FNDC3B: variants seen among roughly 807,000 people sequenced by gnomAD.
FNDC3B encodes the protein fibronectin type III domain containing 3B, also known as fibronectin type III domain-containing protein 3B.
Under a neutral mutation model 151.5 loss-of-function variants are expected in FNDC3B, and 12 were observed. The observed-to-expected ratio is 0.08, with a 90% CI of 0.05 to 0.13. The LOEUF is 0.13. FNDC3B is among the 10% of genes least tolerant of loss of function. FNDC3B has a pLI of 1.00. For missense variants in FNDC3B, 1,214 were observed against 1,505.3 expected (o/e 0.81, Z 3.20); for synonymous variants, 528 against 549.0 (o/e 0.96, Z 0.54).
At chr3:172,336,784 TC>T (rs1292597445) in intron 15 of FNDC3B, among the ~76,000 whole-genome samples, 1 of 151,494 alleles carries the variant, frequency 6.6e-6, no homozygotes, top group Non-Finnish European at 1.5e-5. Context: ...GCGCCTGTAA[TC>T]CCAGCTACTT....
At chr3:172,238,358 G>A (rs558746549) in intron 4 of FNDC3B, among the ~76,000 whole-genome samples, 3 of 152,068 alleles carry the variant, frequency 2.0e-5, no homozygotes, top group African/African-American at 7.2e-5. Context: ...GTTTTGCCAC[G>A]TTGCCCAGTC....
At chr3:172,200,112 C>T (rs1560014823) in intron 3 of FNDC3B, among the ~76,000 whole-genome samples, 1 of 152,176 alleles carries the variant, frequency 6.6e-6, no homozygotes, top group Non-Finnish European at 1.5e-5. Context: ...GGAACCCACC[C>T]TGGACAGGAT....
intron 3 of FNDC3B, among the ~76,000 whole-genome samples, chr3:172,226,319 A>AG (rs1430391290): frequency 6.6e-6 from 1 of 151,822 alleles, no homozygotes; most frequent in East Asian, 1.9e-4. Context: ...AAAAAAAAAA[A>AG]AAAATGTATT....
At chr3:172,259,853 T>C (rs1006924384) in intron 6 of FNDC3B, among the ~76,000 whole-genome samples, 5 of 152,244 alleles carry the variant, frequency 3.3e-5, no homozygotes, top group Non-Finnish European at 5.9e-5. Flanking sequence ...ATTTTTGTCA[T>C]GTCAAGTTAA....
At chr3:172,048,103 A>C (rs1716453457) in intron 1 of FNDC3B, among the ~76,000 whole-genome samples, 1 of 152,148 alleles carries the variant, frequency 6.6e-6, no homozygotes, top group South Asian at 2.1e-4. Context: ...AGTTTCTTTT[A>C]AAAGATTTCT....
intron 1 of FNDC3B, among the ~76,000 whole-genome samples, chr3:172,100,639 ATTTG>A (rs1424190011): frequency 6.6e-6 from 1 of 152,270 alleles, no homozygotes; most frequent in East Asian, 1.9e-4. Flanking sequence ...GCACCTGCTA[ATTTG>A]TTTGTTTGTT....
At position 172,343,173 on chromosome 3, in the gene FNDC3B, C is replaced by T. The variant is rs536475425; in HGVS notation, c.2077+57C>T. 269 of 924,956 alleles carry T rather than the reference C, an allele frequency of 2.9e-4. No homozygotes were observed. In the African/African-American group the frequency reaches 3.6e-3, roughly 13 times the overall value. The allele number at this position is 924,956 out of a possible 1,614,324, so 57.3% of individuals were successfully genotyped here. A position where few individuals can be genotyped will look rare whatever the true frequency, so the allele number is the denominator to read the frequency against. The stretch of plus-strand genomic sequence containing the variant: ...CAATTTGGACAATTGGAGATGAAGA[C>T]TTATGCTTTGTAGTTAAGTTTCAAA... On this transcript the variant is annotated intron_variant, in intron 18 of 25. Transcript: ENST00000415807.
intron 9 of FNDC3B, among the ~76,000 whole-genome samples, chr3:172,301,000 G>C (rs956101260): frequency 8.6e-5 from 13 of 152,034 alleles, no homozygotes; most frequent in African/African-American, 2.7e-4. Flanking sequence ...GAATTGCTTC[G>C]GTGAAGCAGC....
intron 23 of FNDC3B, among the ~76,000 whole-genome samples, chr3:172,370,738 AGTCATT>A (rs2108355844): frequency 6.6e-6 from 1 of 152,330 alleles, no homozygotes; most frequent in East Asian, 1.9e-4. Context: ...TAAAATAAGC[AGTCATT>A]GGGTATTCAC....
At chr3:172,272,863 A>AC (rs1729266313) in intron 6 of FNDC3B, among the ~76,000 whole-genome samples, 1 of 152,168 alleles carries the variant, frequency 6.6e-6, no homozygotes, top group Non-Finnish European at 1.5e-5. Context: ...ATTCTCATGG[A>AC]CTTGTGCAAG....
intron 1 of FNDC3B, among the ~76,000 whole-genome samples, chr3:172,080,926 G>A (rs1434197293): frequency 2.6e-5 from 4 of 152,278 alleles, no homozygotes; most frequent in South Asian, 2.1e-4. Flanking sequence ...GTAAGTTAAG[G>A]ACTTCAGCTG....
At chr3:172,177,732 A>T (rs779486041) in intron 3 of FNDC3B, among the ~76,000 whole-genome samples, 1 of 149,700 alleles carries the variant, frequency 6.7e-6, no homozygotes, top group Non-Finnish European at 1.5e-5. Flanking sequence ...ACATGTGCAG[A>T]ACGTGCAGGT....
At chr3:172,137,732 A>C (rs1185715719) in intron 3 of FNDC3B, among the ~76,000 whole-genome samples, 1 of 152,238 alleles carries the variant, frequency 6.6e-6, no homozygotes, top group African/African-American at 2.4e-5. Flanking sequence ...CTGTGAACGC[A>C]GATTCATTTC....
intron 25 of FNDC3B, among the ~76,000 whole-genome samples, chr3:172,387,899 C>T (rs1408315099): frequency 6.6e-6 from 1 of 152,224 alleles, no homozygotes; most frequent in Non-Finnish European, 1.5e-5. Flanking sequence ...ATGTGCCCAA[C>T]ATTATGCCCT....
intron 3 of FNDC3B, among the ~76,000 whole-genome samples, chr3:172,213,466 TCA>T (rs763435221): frequency 2.2e-4 from 34 of 152,242 alleles, no homozygotes; most frequent in African/African-American, 7.7e-4. Flanking sequence ...TTCTCAGTAT[TCA>T]CAGTTTTGTC....
Position 172,226,074 on chromosome 3 carries a change from A to G in FNDC3B, c.188-797A>G, listed in dbSNP as rs990408216. ...TGTAATCCCAGCACTTTGGGAGGCC[A>G]AGGCAGGCGGGTCTTGAGGTCAGGA... is the stretch of plus-strand genomic sequence containing the variant. On this transcript the variant is annotated intron_variant, in intron 3 of 25. Coordinates refer to ENST00000415807, the MANE Select transcript of FNDC3B (RefSeq NM_022763.4). 3.5e-4 allele frequency among the ~76,000 whole-genome samples: 54 copies of G among 152,236 alleles called. 1 individual carries two copies. Among genetic ancestry groups the G allele is most frequent in the African/African-American group, 1.3e-3 (53 of 41,560 alleles).
intron 3 of FNDC3B, among the ~76,000 whole-genome samples, chr3:172,160,700 T>A (rs1410714471): frequency 2.0e-5 from 3 of 152,224 alleles, no homozygotes; most frequent in Non-Finnish European, 4.4e-5. Flanking sequence ...CTATAAAGAA[T>A]AGAATTAAAC....
At chr3:172,358,207 G>A (rs548012885) in intron 22 of FNDC3B, among the ~76,000 whole-genome samples, 4 of 152,308 alleles carry the variant, frequency 2.6e-5, no homozygotes, top group Non-Finnish European at 4.4e-5. Context: ...CTACCTTATG[G>A]GGTCAGCATA....
In FNDC3B at chr3:172,275,836, A is replaced by C. The variant is rs561406363; in HGVS notation, c.791-10090A>C. On this transcript the variant is annotated intron_variant, in intron 6 of 25. Coordinates refer to ENST00000415807, the MANE Select transcript of FNDC3B (RefSeq NM_022763.4). ...TTTTGATTATCTGGTTTTTTTTTTA[A>C]AGGGAAGTGTTGATTAGGGAGAGCA... Among the ~76,000 whole-genome samples, 5 of 152,068 alleles carry C rather than the reference A, an allele frequency of 3.3e-5. No individual in the cohort carries two copies. In the South Asian group the frequency reaches 1.0e-3, roughly 32 times the overall value.
Sources: gnomAD v4.1 joint callset for allele counts (sites outside exome capture counted in the v4.1 genomes callset) on GRCh38, gnomAD v4.1.1 for gene constraint, MANE v1.5 for transcripts, NCBI Gene and HGNC (gene_info 2026-07-23, HGNC 2026-07-21) for gene names.